Variants in SCAMP1 observed in about 807,000 individuals in gnomAD.
SCAMP1 encodes the protein secretory carrier membrane protein 1.
A neutral mutation model predicts 41.8 loss-of-function variants in SCAMP1; 15 were observed. The observed-to-expected ratio is 0.36, with a 90% CI of 0.24 to 0.55. SCAMP1 has a LOEUF of 0.55. SCAMP1 is among the 20% of genes least tolerant of loss of function. The pLI, the probability that SCAMP1 is intolerant of heterozygous loss-of-function variation, is 0.86. For missense variants in SCAMP1, 341 were observed against 412.6 expected (o/e 0.83, Z 1.50); for synonymous variants, 135 against 136.8 (o/e 0.99, Z 0.09).
At chr5:78,375,287 A>G (rs1751039007) in intron 1 of SCAMP1, among the ~76,000 whole-genome samples, 1 of 152,112 alleles carries the variant, frequency 6.6e-6, no homozygotes, top group Non-Finnish European at 1.5e-5. Flanking sequence ...AAATTTCTTT[A>G]TTGCATTTTC....
intron 7 of SCAMP1, among the ~76,000 whole-genome samples, chr5:78,458,618 G>C (rs1274996736): frequency 6.6e-6 from 1 of 152,172 alleles, no homozygotes; most frequent in Non-Finnish European, 1.5e-5. Flanking sequence ...AGGTGCAGTG[G>C]CTCACGCTAT....
chr5:78,367,263 G>A (rs1216296653), intron 1 of SCAMP1, among the ~76,000 whole-genome samples: 1 of 152,154 alleles, frequency 6.6e-6, no homozygotes, highest in Non-Finnish European at 1.5e-5. Flanking sequence ...CTGTTGCTAT[G>A]TAACAATCCC....
chr5:78,380,513 G>A (rs1751177715), intron 1 of SCAMP1, among the ~76,000 whole-genome samples: 1 of 152,130 alleles, frequency 6.6e-6, no homozygotes. Flanking sequence ...TTAAATCAGT[G>A]TAGTCTTAAT....
Position 78,467,576 on chromosome 5 carries a change from ATT to A in SCAMP1, c.853-7925_853-7924del, listed in dbSNP as rs541045641. Among the ~76,000 whole-genome samples the A allele has an allele frequency of 1.6e-4, 24 of 152,276 alleles. No homozygotes were observed. In the South Asian group the frequency reaches 4.8e-3, roughly 30 times the overall value. ...TGGATATCATGCAGCATACTCTAATATTTTGTTGTTGTTGTTGTTTTTACCTC... is the reference window on the plus strand; with the variant it reads ...TGGATATCATGCAGCATACTCTAATATTGTTGTTGTTGTTGTTTTTACCTC... On this transcript the variant is annotated intron_variant, in intron 8 of 8. Coordinates refer to ENST00000621999, the MANE Select transcript of SCAMP1 (RefSeq NM_004866.6).
chr5:78,467,286 T>G (rs1001353911), intron 8 of SCAMP1, among the ~76,000 whole-genome samples: 1 of 152,176 alleles, frequency 6.6e-6, no homozygotes, highest in African/African-American at 2.4e-5. Flanking sequence ...TAAAGGGAAC[T>G]TTAACCATCA....
chr5:78,411,379 G>C (rs1485918914), intron 2 of SCAMP1, among the ~76,000 whole-genome samples: 1 of 152,044 alleles, frequency 6.6e-6, no homozygotes, highest in African/African-American at 2.4e-5. Context: ...ACAAGCATTT[G>C]GAAAAGAGAA....
intron 3 of SCAMP1, among the ~76,000 whole-genome samples, chr5:78,416,000 G>T (rs1474746299): frequency 6.6e-6 from 1 of 152,166 alleles, no homozygotes; most frequent in African/African-American, 2.4e-5. Context: ...AATCTGAGAA[G>T]AAAGGAGATT....
chr5:78,417,772 C>G (rs1752244615), intron 4 of SCAMP1, among the ~76,000 whole-genome samples: 1 of 152,100 alleles, frequency 6.6e-6, no homozygotes, highest in Non-Finnish European at 1.5e-5. Flanking sequence ...GTATTCACTG[C>G]CGCTTCTCAA....
chr5:78,404,321 T>A (rs573748252), intron 2 of SCAMP1, among the ~76,000 whole-genome samples: 33 of 152,168 alleles, frequency 2.2e-4, no homozygotes, highest in Admixed American at 9.2e-4. Context: ...CTAATTTTTT[T>A]ATTTTTTTAG....
intron 6 of SCAMP1, among the ~76,000 whole-genome samples, chr5:78,445,073 C>T (rs1057028398): frequency 6.6e-6 from 1 of 152,154 alleles, no homozygotes; most frequent in African/African-American, 2.4e-5. Context: ...CCCATCTTAG[C>T]CCTTGAAATA....
rs1476755848 is a variant in SCAMP1 at position 78,360,711 on chromosome 5, C to G, written c.40C>G (p.Leu14Val). 1 of 1,610,144 alleles carries G rather than the reference C, an allele frequency of 6.2e-7. No homozygotes were observed. Among genetic ancestry groups the G allele is most frequent in the Non-Finnish European group, 8.5e-7 (1 of 1,178,480 alleles). ...CAGTAACCCGTTTGCCGACCCGGATCTCAACAATCCCTTCAAGGTGAGCTT... is the reference window on the plus strand; with the variant it reads ...CAGTAACCCGTTTGCCGACCCGGATGTCAACAATCCCTTCAAGGTGAGCTT... ...FDSNPFADPD[L>V]NNPFKDPSVT... is the part of the protein sequence containing the mutation. Residue 14 changes from leucine to valine, a missense_variant, in exon 1 of 9, where the codon CTC becomes GTC. By Grantham distance (32) the Leu-to-Val change is conservative (BLOSUM62 1). Transcript: ENST00000621999.
At chr5:78,406,417 A>G (rs1480428751) in intron 2 of SCAMP1, among the ~76,000 whole-genome samples, 1 of 152,168 alleles carries the variant, frequency 6.6e-6, no homozygotes, top group African/African-American at 2.4e-5. Flanking sequence ...AGCAAGAAGA[A>G]ATTTCTGGAA....
At chr5:78,453,627 C>T (rs1242522327) in intron 7 of SCAMP1, among the ~76,000 whole-genome samples, 1 of 151,956 alleles carries the variant, frequency 6.6e-6, no homozygotes, top group African/African-American at 2.4e-5. Flanking sequence ...TGTGATGCCT[C>T]CAGCTTTGTT....
At chr5:78,382,792 T>A (rs982730360) in intron 1 of SCAMP1, among the ~76,000 whole-genome samples, 1 of 125,490 alleles carries the variant, frequency 8.0e-6, no homozygotes, top group African/African-American at 2.9e-5. Context: ...TGTGTGTGTG[T>A]GTGTGTGTGT....
intron 8 of SCAMP1, among the ~76,000 whole-genome samples, chr5:78,464,854 ATAG>A (rs1224596755): frequency 6.6e-6 from 1 of 152,220 alleles, no homozygotes; most frequent in Non-Finnish European, 1.5e-5. Flanking sequence ...GATTGGGATT[ATAG>A]TGGTGGTGGG....
chr5:78,414,683 A>G (rs1476372817), intron 2 of SCAMP1, among the ~76,000 whole-genome samples: 2 of 152,154 alleles, frequency 1.3e-5, no homozygotes, highest in Admixed American at 6.5e-5. Context: ...CCAATCCCCC[A>G]TTGATGGACT....
intron 7 of SCAMP1, among the ~76,000 whole-genome samples, chr5:78,458,249 C>T (rs529738805): frequency 3.3e-5 from 5 of 152,190 alleles, no homozygotes; most frequent in Admixed American, 6.5e-5. Context: ...AAACTGTTCT[C>T]TAGAATGCTT....
At chr5:78,373,240 C>CTT (rs1196508867) in intron 1 of SCAMP1, among the ~76,000 whole-genome samples, 1 of 152,118 alleles carries the variant, frequency 6.6e-6, no homozygotes, top group Non-Finnish European at 1.5e-5. Flanking sequence ...GAACTGAACT[C>CTT]TAAGTGGTGG....
intron 6 of SCAMP1, among the ~76,000 whole-genome samples, chr5:78,446,518 TAA>T (rs5868921): frequency 0.27 from 41,227 of 151,798 alleles, 5,866 homozygotes; most frequent in East Asian, 0.54. Flanking sequence ...AATATAATAT[TAA>T]GTTATATTCT....
Sources: allele counts gnomAD v4.1 joint callset (sites outside exome capture counted in the v4.1 genomes callset), GRCh38; gene constraint gnomAD v4.1.1; transcripts MANE v1.5; gene names NCBI Gene and HGNC (gene_info 2026-07-23, HGNC 2026-07-21).